Variants in DNAH9 observed in about 807,000 individuals in gnomAD.
The protein encoded by DNAH9 is dynein axonemal heavy chain 9.
DNAH9 carries 345 observed loss-of-function variants against 471.6 expected under a neutral mutation model. The observed-to-expected ratio is 0.73, with a 90% confidence interval of 0.67 to 0.80. The LOEUF is 0.80. Ranked by LOEUF, DNAH9 falls within the 30% of genes least tolerant of loss-of-function variation. The pLI, the probability that DNAH9 is intolerant of heterozygous loss-of-function variation, is 0.00. For missense variants in DNAH9, 5,407 were observed against 5,609.2 expected (o/e 0.96, Z 1.15); for synonymous variants, 2,093 against 2,123.6 (o/e 0.99, Z 0.40).
Position 11,669,374 on chromosome 17 carries a change from A to C in DNAH9, c.2933A>C (p.Asp978Ala), listed in dbSNP as rs766288521. ...GCCGTTGTCTCGCTTCCCCAGGTCG[A>C]CCTGGACGGTATACCAGATTTGGCA... ...PQNGSPHYQVDLDGIPDLANM... is the reference protein window; with the variant it reads ...PQNGSPHYQVALDGIPDLANM... The change falls in exon 17 of 69, where the codon GAC becomes GCC. Residue 978 changes from aspartate to alanine, a missense_variant. Asp to Ala is a moderately radical substitution (Grantham distance 126, BLOSUM62 -2). Around this residue, in one of 3 missense-constraint regions of DNAH9, gnomAD observed 4,636 missense variants for 4,900.3 expected, o/e 0.95. Transcript: ENST00000262442. The C allele has an allele frequency of 1.2e-5, 19 of 1,610,286 alleles. No individual in the cohort carries two copies. The highest frequency in any genetic ancestry group is 1.5e-5 in the Non-Finnish European group (18 of 1,177,786).
rs191252840 is a variant in DNAH9 at position 11,763,335 on chromosome 17, C to T, written c.6996-105C>T. On this transcript the variant is annotated intron_variant, in intron 35 of 68. Coordinates refer to ENST00000262442, the MANE Select transcript of DNAH9 (RefSeq NM_001372.4). ...TTGTCTGTAATCCCAAAGAACTTGA[C>T]GGACCATGAGTCCACTGAAACTGAG... The T allele has an allele frequency of 1.1e-4, 111 of 968,658 alleles. 1 individual carries two copies. The highest frequency in any genetic ancestry group is 8.7e-4 in the Admixed American group (40 of 45,790). 60.0% of individuals were successfully genotyped at this position (968,658 alleles called of 1,614,324 possible).
chr17:11,776,890 A>G (rs1045336354), intron 38 of DNAH9, among the ~76,000 whole-genome samples: 3 of 152,210 alleles, frequency 2.0e-5, no homozygotes, highest in Non-Finnish European at 4.4e-5. Flanking sequence ...ATCTGTGTTC[A>G]TTCTCCATTC....
chr17:11,639,286 A>C (rs1162630398), intron 9 of DNAH9, among the ~76,000 whole-genome samples: 2 of 152,224 alleles, frequency 1.3e-5, no homozygotes, highest in Non-Finnish European at 2.9e-5. Context: ...ACACTAGGGA[A>C]GGGTGGTACC....
chr17:11,827,736 T>A (rs1260362127), intron 48 of DNAH9, among the ~76,000 whole-genome samples: 1 of 151,818 alleles, frequency 6.6e-6, no homozygotes, highest in East Asian at 1.9e-4. Flanking sequence ...CCCAGGCTGG[T>A]GTGCAATGGC....
At chr17:11,618,101 A>G (rs1251743478) in intron 5 of DNAH9, among the ~76,000 whole-genome samples, 1 of 152,200 alleles carries the variant, frequency 6.6e-6, no homozygotes, top group Non-Finnish European at 1.5e-5. Flanking sequence ...ACAAGAAGCC[A>G]TATCTCTTTT....
intron 15 of DNAH9, 88 bp downstream of exon 15, chr17:11,665,056 T>C (rs2073843856): frequency 5.7e-6 from 7 of 1,224,256 alleles, no homozygotes; most frequent in Non-Finnish European, 8.1e-6. Flanking sequence ...AGCTGAGTGC[T>C]CTGTGACTTT....
chr17:11,642,240 T>C (rs2073288538), intron 10 of DNAH9, among the ~76,000 whole-genome samples: 1 of 152,104 alleles, frequency 6.6e-6, no homozygotes, highest in South Asian at 2.1e-4. Context: ...TAAAAATGAA[T>C]TCAAATGTGT....
At chr17:11,910,553 A>G (rs1432629496) in intron 61 of DNAH9, among the ~76,000 whole-genome samples, 2 of 152,180 alleles carry the variant, frequency 1.3e-5, no homozygotes, top group Non-Finnish European at 2.9e-5. Flanking sequence ...ATAAGTTTCA[A>G]TTCTCTTGAG....
chr17:11,858,267 G>T (rs1186783328), intron 50 of DNAH9, among the ~76,000 whole-genome samples: 1 of 152,182 alleles, frequency 6.6e-6, no homozygotes, highest in African/African-American at 2.4e-5. Context: ...TGAGAAACAA[G>T]AATCCCTTTT....
intron 10 of DNAH9, among the ~76,000 whole-genome samples, chr17:11,643,893 C>T (rs928091507): frequency 2.0e-5 from 3 of 152,106 alleles, no homozygotes; most frequent in Non-Finnish European, 2.9e-5. Context: ...TGTATCTAAA[C>T]ATATCTGAAC....
chr17:11,771,775 T>G (rs538161415), intron 38 of DNAH9, among the ~76,000 whole-genome samples: 66 of 152,300 alleles, frequency 4.3e-4, no homozygotes, highest in African/African-American at 1.5e-3. Context: ...CTGTTACAAC[T>G]ACACTACTAC....
chr17:11,822,873 T>C lies in DNAH9; in HGVS notation c.9085T>C (p.Tyr3029His), dbSNP rs752419886. ...HTSVNQTSQS[Y>H]LSNEQRYNYT... ...AAGTGTCAACCAAACATCCCAGTCT[T>C]ATCTGAGCAATGAACAGCGCTACAA... Residue 3029 changes from tyrosine to histidine, a missense_variant, in exon 48 of 69, where the codon TAT becomes CAT. Transcript: ENST00000262442. The C allele has an allele frequency of 6.2e-7, 1 of 1,614,226 alleles. No individual in the cohort carries two copies. The highest frequency in any genetic ancestry group is 1.1e-5 in the South Asian group (1 of 91,090).
At chr17:11,620,504 T>C (rs1229820798) in intron 6 of DNAH9, among the ~76,000 whole-genome samples, 1 of 110,036 alleles carries the variant, frequency 9.1e-6, no homozygotes, top group African/African-American at 3.5e-5. Flanking sequence ...AGAACGAGAC[T>C]CTGTCTCAAA....
chr17:11,913,434 A>G (rs901699615), intron 61 of DNAH9, among the ~76,000 whole-genome samples: 2 of 152,100 alleles, frequency 1.3e-5, no homozygotes, highest in Non-Finnish European at 2.9e-5. Flanking sequence ...TTTGATATCT[A>G]TATTAAAGTG....
In DNAH9 at chr17:11,679,974, C is replaced by T; in HGVS notation, c.3571C>T (p.Leu1191=). The change falls in exon 18 of 69, where the codon CTG becomes TTG. Residue 1191 remains leucine, a synonymous_variant. Coordinates refer to ENST00000262442, the MANE Select transcript of DNAH9 (RefSeq NM_001372.4). ...ATTGCCAGAAACAGTGTTTAAGCAG[C>T]TGGAGGTCAGTGCATTTATGTCTTC... The part of the protein sequence containing the change: ...QELPETVFKQ[L]EELPEKWNNI... 4 of 1,612,376 alleles carry T rather than the reference C, an allele frequency of 2.5e-6. No homozygotes were observed. The highest frequency in any genetic ancestry group is 3.4e-6 in the Non-Finnish European group (4 of 1,178,614).
intron 15 of DNAH9, among the ~76,000 whole-genome samples, chr17:11,665,483 T>A (rs935673010): frequency 6.6e-6 from 1 of 152,192 alleles, no homozygotes; most frequent in Non-Finnish European, 1.5e-5. Context: ...GAGGAGGTAA[T>A]TTTCAGAAGA....
chr17:11,891,751 A>T, intron 57 of DNAH9, 26 bp from the exon 58 acceptor site: 1 of 1,612,016 alleles, frequency 6.2e-7, no homozygotes, highest in Non-Finnish European at 8.5e-7. Flanking sequence ...TGTGTACCTT[A>T]CCAGTTTCCT....
intron 49 of DNAH9, among the ~76,000 whole-genome samples, chr17:11,835,127 T>C (rs1156583741): frequency 6.6e-6 from 1 of 152,132 alleles, no homozygotes; most frequent in East Asian, 1.9e-4. Flanking sequence ...AGACAGAACA[T>C]GAAAAGTCAG....
chr17:11,632,815 C>A (rs1044461741), intron 8 of DNAH9, 112 bp downstream of exon 8: 1 of 566,530 alleles, frequency 1.8e-6, no homozygotes, highest in Admixed American at 2.5e-5. Context: ...ATTAATTATT[C>A]TTATTAATCT....
Sources: gnomAD v4.1 joint callset for allele counts (sites outside exome capture counted in the v4.1 genomes callset) on GRCh38, gnomAD v4.1.1 for gene constraint, gnomAD v4.1.1 regional missense constraint, MANE v1.5 for transcripts, NCBI Gene and HGNC (gene_info 2026-07-23, HGNC 2026-07-21) for gene names.